The following SUDS3 variants were observed in gnomAD, a reference collection of about 807,000 sequenced individuals.
SUDS3 encodes the protein SIN3A corepressor complex component SDS3.
In SUDS3, 23 loss-of-function variants were observed where a neutral mutation model predicts 53.5. The ratio of observed to expected loss-of-function variants is 0.43; its 90% CI spans 0.31 to 0.61. The LOEUF is 0.61. Ranked by LOEUF, SUDS3 falls within the 20% of genes least tolerant of loss-of-function variation. The pLI is 0.10. For synonymous variants in SUDS3, 150 were observed against 148.5 expected, an observed-to-expected ratio of 1.01 and a Z score of -0.08; for missense variants, 291 against 405.9, an observed-to-expected ratio of 0.72 and a Z score of 2.43.
intron 1 of SUDS3, among the ~76,000 whole-genome samples, chr12:118,377,439 G>A (rs1282672379): frequency 6.6e-6 from 1 of 152,142 alleles, no homozygotes; most frequent in Non-Finnish European, 1.5e-5. Context: ...ACTTCCTAGG[G>A]TCGGTATAGG....
intron 2 of SUDS3, among the ~76,000 whole-genome samples, chr12:118,381,003 C>CT (rs1005542166): frequency 6.6e-5 from 10 of 151,424 alleles, no homozygotes; most frequent in African/African-American, 1.5e-4. Flanking sequence ...GCGCCCGGAC[C>CT]TTTTTTTTTC....
chr12:118,408,787 A>G (rs1304875631), intron 10 of SUDS3, among the ~76,000 whole-genome samples: 1 of 152,122 alleles, frequency 6.6e-6, no homozygotes, highest in Non-Finnish European at 1.5e-5. Flanking sequence ...AGTGTTTAGA[A>G]AGTTGTATCA....
chr12:118,412,005 C>T (rs552586346), intron 11 of SUDS3, among the ~76,000 whole-genome samples: 3 of 152,330 alleles, frequency 2.0e-5, no homozygotes, highest in East Asian at 1.9e-4. Context: ...ACGACCCACA[C>T]GCCACTTGCC....
Position 118,391,266 on chromosome 12 carries a change from A to G in SUDS3, c.501A>G (p.Thr167=). The G allele has an allele frequency of 2.5e-6, 4 of 1,611,964 alleles. No homozygotes were observed. Among genetic ancestry groups the G allele is most frequent in the Non-Finnish European group, 2.5e-6 (3 of 1,179,346 alleles). ...KKKMIENEKL[T]MELTGDSMEV... ...AAATGATTGAAAATGAAAAGCTGAC[A>G]ATGGAACTGACTGGAGGTAGGAAAG... Residue 167 remains threonine (T), a synonymous_variant, in exon 6 of 12, where the codon ACA becomes ACG. Coordinates refer to ENST00000543473, the MANE Select transcript of SUDS3 (RefSeq NM_022491.3).
rs1156661599 is a variant in SUDS3 at position 118,380,187 on chromosome 12, C to T, written c.168C>T (p.Asp56=). 4 of 1,608,992 alleles carry T rather than the reference C, an allele frequency of 2.5e-6. No homozygotes were observed. Among genetic ancestry groups the T allele is most frequent in the Non-Finnish European group, 2.5e-6 (3 of 1,177,778 alleles). The change falls in exon 2 of 12, where the codon GAC becomes GAT. Residue 56 remains aspartate, a synonymous_variant. Coordinates refer to ENST00000543473, the MANE Select transcript of SUDS3 (RefSeq NM_022491.3). ...ACACTGAGGATGCTAGTGAAACTGACCTGGCAAAGCATGATGAAGAAGACT... is the reference window on the plus strand; with the variant it reads ...ACACTGAGGATGCTAGTGAAACTGATCTGGCAAAGCATGATGAAGAAGACT... ...DEDTEDASET[D]LAKHDEEDYV... is the part of the protein sequence containing the mutation.
chr12:118,377,056 A>G (rs928303017), intron 1 of SUDS3, among the ~76,000 whole-genome samples: 2 of 152,006 alleles, frequency 1.3e-5, no homozygotes, highest in African/African-American at 2.4e-5. Context: ...GGGGACTTAG[A>G]TGTTGTCACG....
intron 6 of SUDS3, among the ~76,000 whole-genome samples, chr12:118,392,459 T>A (rs925574111): frequency 8.5e-5 from 13 of 152,250 alleles, no homozygotes; most frequent in African/African-American, 2.9e-4. Context: ...TTCTGTTAGC[T>A]TCCTCATAGA....
intron 6 of SUDS3, among the ~76,000 whole-genome samples, chr12:118,394,989 T>A (rs947045567): frequency 6.6e-6 from 1 of 152,088 alleles, no homozygotes; most frequent in African/African-American, 2.4e-5. Context: ...CTGGCTTTTT[T>A]ACTCATTTTA....
intron 6 of SUDS3, among the ~76,000 whole-genome samples, chr12:118,398,067 A>G (rs937289774): frequency 2.0e-5 from 3 of 152,030 alleles, no homozygotes; most frequent in African/African-American, 7.3e-5. Context: ...CGACTATGTA[A>G]CTTTTTTTCA....
intron 3 of SUDS3, among the ~76,000 whole-genome samples, chr12:118,385,079 A>C (rs1358674175): frequency 6.6e-6 from 1 of 150,930 alleles, no homozygotes; most frequent in Non-Finnish European, 1.5e-5. Flanking sequence ...CATATTGTGG[A>C]GTCCCCTTGT....
Position 118,417,724 on chromosome 12 carries a change from C to T in SUDS3, c.*3291C>T, listed in dbSNP as rs375500153. On this transcript the variant is annotated 3_prime_UTR_variant, in exon 12 of 12. Transcript: ENST00000543473. ...AACAATAAACTTTCAAAGAGAAAACCAGCATGAAGTCTGTATTGTATCCAT... is the reference window on the plus strand; with the variant it reads ...AACAATAAACTTTCAAAGAGAAAACTAGCATGAAGTCTGTATTGTATCCAT... 1 of 150,414 alleles carries T rather than the reference C, an allele frequency of 6.6e-6. No individual in the cohort carries two copies. Among genetic ancestry groups the T allele is most frequent in the Non-Finnish European group, 1.5e-5 (1 of 67,744 alleles). 9.3% of individuals were successfully genotyped at this position (150,414 alleles called of 1,614,324 possible). A position where few individuals can be genotyped will look rare whatever the true frequency, so the allele number is the denominator to read the frequency against.
At chr12:118,387,277 C>G (rs2046123598) in intron 4 of SUDS3, among the ~76,000 whole-genome samples, 1 of 152,200 alleles carries the variant, frequency 6.6e-6, no homozygotes, top group Non-Finnish European at 1.5e-5. Context: ...ACCGGTTGCT[C>G]TTCCTAGACT....
intron 1 of SUDS3, 45 bp from the exon 2 acceptor site, chr12:118,380,117 G>T: frequency 6.6e-7 from 1 of 1,523,774 alleles, no homozygotes; most frequent in Non-Finnish European, 9.0e-7. Flanking sequence ...CGCCAACTCC[G>T]TGAATTATGA....
At chr12:118,396,709 T>A (rs1304621587) in intron 6 of SUDS3, among the ~76,000 whole-genome samples, 1 of 152,244 alleles carries the variant, frequency 6.6e-6, no homozygotes, top group Non-Finnish European at 1.5e-5. Flanking sequence ...TGGAAATGAA[T>A]GAATGGGCCT....
At chr12:118,395,849 G>A (rs2046210272) in intron 6 of SUDS3, among the ~76,000 whole-genome samples, 1 of 151,948 alleles carries the variant, frequency 6.6e-6, no homozygotes, top group Admixed American at 6.6e-5. Flanking sequence ...GTGCCACCAT[G>A]CCTGACTAAT....
chr12:118,405,124 A>G (rs1380817454), intron 10 of SUDS3, among the ~76,000 whole-genome samples: 4 of 152,242 alleles, frequency 2.6e-5, no homozygotes, highest in South Asian at 2.1e-4. Flanking sequence ...AGGCTCTAAC[A>G]GCTTAACACT....
chr12:118,381,463 A>G (rs955259772), intron 2 of SUDS3, among the ~76,000 whole-genome samples: 1 of 151,722 alleles, frequency 6.6e-6, no homozygotes, highest in Non-Finnish European at 1.5e-5. Context: ...GCTCACTGCA[A>G]CCTCTGCCTC....
intron 10 of SUDS3, among the ~76,000 whole-genome samples, chr12:118,407,229 C>A (rs1187289352): frequency 1.3e-5 from 2 of 152,092 alleles, no homozygotes; most frequent in Non-Finnish European, 2.9e-5. Flanking sequence ...TCAGAGAATT[C>A]AAATAATTTA....
At chr12:118,403,772 G>A (rs925166368) in intron 10 of SUDS3, among the ~76,000 whole-genome samples, 8 of 152,138 alleles carry the variant, frequency 5.3e-5, no homozygotes, top group African/African-American at 1.9e-4. Flanking sequence ...GAATTTGCAG[G>A]CTGGTATCTT....
Sources: allele counts gnomAD v4.1 joint callset (sites outside exome capture counted in the v4.1 genomes callset), GRCh38; gene constraint gnomAD v4.1.1; transcripts MANE v1.5; gene names NCBI Gene and HGNC (gene_info 2026-07-23, HGNC 2026-07-21).